WWOX: variants seen among roughly 807,000 people sequenced by gnomAD.
The protein encoded by WWOX is WW domain-containing oxidoreductase.
A neutral mutation model predicts 46.2 loss-of-function variants in WWOX; 69 were observed. That is an observed-to-expected ratio of 1.49 (90% CI 1.23 to 1.82). The LOEUF is 1.82. Among genes scored for constraint, WWOX ranks in the 40% most tolerant of loss-of-function variants. The pLI, the probability that WWOX is intolerant of heterozygous loss-of-function variation, is 0.00. For synonymous variants in WWOX, 359 were observed against 202.6 expected (o/e 1.77, Z -6.56); for missense variants, 919 against 542.6 (o/e 1.69, Z -6.89).
intron 8 of WWOX, among the ~76,000 whole-genome samples, chr16:78,982,562 T>A (rs751023513): frequency 1.3e-5 from 2 of 152,210 alleles, no homozygotes; most frequent in Non-Finnish European, 2.9e-5. Context: ...TAGGGAGTTA[T>A]CAATTACATG....
intron 8 of WWOX, among the ~76,000 whole-genome samples, chr16:78,726,796 A>G (rs898529416): frequency 4.0e-5 from 6 of 151,652 alleles, no homozygotes; most frequent in East Asian, 3.9e-4. Context: ...GGCAATGAGG[A>G]GGTAGTCCAG....
At chr16:78,600,251 G>C (rs2045589699) in intron 8 of WWOX, among the ~76,000 whole-genome samples, 1 of 152,026 alleles carries the variant, frequency 6.6e-6, no homozygotes, top group Non-Finnish European at 1.5e-5. Flanking sequence ...GACAGTTCAA[G>C]ATGAGATTTG....
At chr16:79,103,279 G>A (rs1021205370) in intron 8 of WWOX, among the ~76,000 whole-genome samples, 3 of 152,166 alleles carry the variant, frequency 2.0e-5, no homozygotes, top group African/African-American at 7.2e-5. Flanking sequence ...ATTAATTTAT[G>A]TATTTAATTT....
rs185330409 is a variant in WWOX at position 78,173,777 on chromosome 16, C to T, written c.516+9488C>T. ...GCAATATTTCTTCTTTGTCTTACTT[C>T]GGGCTAATAACAAAAATATCATACA... On this transcript the variant is annotated intron_variant, in intron 5 of 8. Transcript: ENST00000566780. Among the ~76,000 whole-genome samples, 8 of 152,282 alleles carry T rather than the reference C, an allele frequency of 5.3e-5. No homozygotes were observed. The East Asian group carries it at 5.8e-4, about 11-fold the overall frequency.
At chr16:78,954,992 G>A (rs556606151) in intron 8 of WWOX, among the ~76,000 whole-genome samples, 21 of 152,146 alleles carry the variant, frequency 1.4e-4, no homozygotes, top group African/African-American at 4.8e-4. Context: ...GCCTCACTGT[G>A]TTGCCCAGGC....
rs74617351 is a variant in WWOX at position 78,944,550 on chromosome 16, C to G, written c.1057-267058C>G. Among the ~76,000 whole-genome samples the G allele has an allele frequency of 8.3e-4, 126 of 152,246 alleles. 1 individual carries two copies. The highest frequency in any genetic ancestry group is 6.8e-3 in the Middle Eastern group (2 of 294). On this transcript the variant is annotated intron_variant, in intron 8 of 8. Transcript: ENST00000566780. ...TTGCTGTATCGAATCAAGCTGTGGT[C>G]TTGAGTTTCGTACACATCTATGTAA...
At chr16:78,108,839 T>G (rs1180122950) in intron 2 of WWOX, among the ~76,000 whole-genome samples, 3 of 152,158 alleles carry the variant, frequency 2.0e-5, no homozygotes, top group African/African-American at 7.2e-5. Context: ...AATACAAAAA[T>G]TAGCTGGGCA....
intron 8 of WWOX, among the ~76,000 whole-genome samples, chr16:78,596,908 C>T (rs1312328272): frequency 2.0e-5 from 3 of 152,092 alleles, no homozygotes; most frequent in Non-Finnish European, 4.4e-5. Context: ...AAAGCAAGCC[C>T]CACACTCTCT....
At chr16:78,954,671 A>G (rs1218939331) in intron 8 of WWOX, among the ~76,000 whole-genome samples, 1 of 152,232 alleles carries the variant, frequency 6.6e-6, no homozygotes, top group Non-Finnish European at 1.5e-5. Flanking sequence ...GCATAGGCAC[A>G]TAAATAAATT....
chr16:79,072,128 A>G (rs1421531688), intron 8 of WWOX, among the ~76,000 whole-genome samples: 1 of 152,120 alleles, frequency 6.6e-6, no homozygotes, highest in African/African-American at 2.4e-5. Context: ...ACAAAAAAAG[A>G]AAAATAAATT....
intron 8 of WWOX, among the ~76,000 whole-genome samples, chr16:79,054,818 C>A (rs190076344): frequency 6.6e-6 from 1 of 152,088 alleles, no homozygotes; most frequent in Non-Finnish European, 1.5e-5. Flanking sequence ...AGAGTATGAC[C>A]TTTGTCTCAA....
chr16:78,924,749 A>G (rs1051410233), intron 8 of WWOX, among the ~76,000 whole-genome samples: 3 of 152,208 alleles, frequency 2.0e-5, no homozygotes, highest in African/African-American at 7.2e-5. Flanking sequence ...AGAGCTTCCT[A>G]TATGATGTCT....
At chr16:78,569,461 A>G (rs78696972) in intron 8 of WWOX, among the ~76,000 whole-genome samples, 6,396 of 152,306 alleles carry the variant, frequency 0.042, 209 homozygotes, top group Non-Finnish European at 0.066. Context: ...GCAGTTGGAG[A>G]AAAGGGGGAA....
At chr16:78,310,839 A>T (rs556724555) in intron 5 of WWOX, among the ~76,000 whole-genome samples, 1 of 152,188 alleles carries the variant, frequency 6.6e-6, no homozygotes, top group Non-Finnish European at 1.5e-5. Flanking sequence ...AATTCCCAGC[A>T]AGAAATGAGC....
At chr16:79,018,971 C>G (rs1006331920) in intron 8 of WWOX, among the ~76,000 whole-genome samples, 39 of 151,564 alleles carry the variant, frequency 2.6e-4, no homozygotes, top group Non-Finnish European at 2.5e-4. Flanking sequence ...GGCAACATGG[C>G]AAAACCCCAT....
At chr16:78,942,495 A>G (rs949072075) in intron 8 of WWOX, among the ~76,000 whole-genome samples, 8 of 152,178 alleles carry the variant, frequency 5.3e-5, no homozygotes, top group African/African-American at 1.9e-4. Context: ...CAGAAGAAAA[A>G]TTGATTCCCG....
At chr16:78,739,769 C>T (rs566293299) in intron 8 of WWOX, among the ~76,000 whole-genome samples, 5 of 152,212 alleles carry the variant, frequency 3.3e-5, no homozygotes, top group African/African-American at 1.2e-4. Context: ...CGAGATCGTA[C>T]CATTGCACTC....
intron 8 of WWOX, among the ~76,000 whole-genome samples, chr16:78,696,261 C>T (rs1250465441): frequency 1.3e-5 from 2 of 152,080 alleles, no homozygotes; most frequent in African/African-American, 2.4e-5. Flanking sequence ...CCTGTCTTTG[C>T]CACATCACGG....
chr16:78,889,310 T>C (rs1042315263), intron 8 of WWOX, among the ~76,000 whole-genome samples: 1 of 151,948 alleles, frequency 6.6e-6, no homozygotes. Flanking sequence ...AGTCAAATGC[T>C]TTCTATCTGG....
Sources: gnomAD v4.1 joint callset for allele counts (sites outside exome capture counted in the v4.1 genomes callset) on GRCh38, gnomAD v4.1.1 for gene constraint, MANE v1.5 for transcripts, NCBI Gene and HGNC (gene_info 2026-07-23, HGNC 2026-07-21) for gene names.